CCSER1: variants seen among roughly 807,000 people sequenced by gnomAD.
CCSER1 encodes serine-rich coiled-coil domain-containing protein 1.
CCSER1 carries 41 observed loss-of-function variants against 82.0 expected under a neutral mutation model. That is an observed-to-expected ratio of 0.50 (90% CI 0.39 to 0.65). The LOEUF (loss-of-function observed/expected upper bound fraction) is 0.65. Ranked by LOEUF, CCSER1 falls within the 30% of genes least tolerant of loss-of-function variation. CCSER1 has a pLI of 0.00. For missense variants in CCSER1, 1,119 were observed against 1,064.2 expected, an observed-to-expected ratio of 1.05 and a Z score of -0.72; for synonymous variants, 414 against 383.9, an observed-to-expected ratio of 1.08 and a Z score of -0.92.
At chr4:90,626,734 A>G (rs1186333309) in intron 5 of CCSER1, among the ~76,000 whole-genome samples, 1 of 152,138 alleles carries the variant, frequency 6.6e-6, no homozygotes, top group African/African-American at 2.4e-5. Context: ...AAATCACCCC[A>G]CTGGGAAATG....
At chr4:91,041,333 T>A (rs542680091) in intron 9 of CCSER1, among the ~76,000 whole-genome samples, 4 of 152,218 alleles carry the variant, frequency 2.6e-5, no homozygotes, top group Non-Finnish European at 5.9e-5. Flanking sequence ...TTTTGGTCAG[T>A]GACAGTTCAA....
At chr4:90,992,588 G>A (rs371289641) in intron 9 of CCSER1, among the ~76,000 whole-genome samples, 3 of 151,894 alleles carry the variant, frequency 2.0e-5, no homozygotes, top group African/African-American at 7.3e-5. Context: ...GGTCTTATCC[G>A]AAGCTCAACT....
chr4:91,442,276 A>G (rs1052551033), intron 10 of CCSER1, among the ~76,000 whole-genome samples: 2 of 152,082 alleles, frequency 1.3e-5, no homozygotes, highest in African/African-American at 4.8e-5. Flanking sequence ...AAACAGAGAT[A>G]TAGATCAATG....
chr4:91,069,986 A>AT (rs70965471), intron 9 of CCSER1, among the ~76,000 whole-genome samples: 41,191 of 146,522 alleles, frequency 0.28, 5,947 homozygotes, highest in Middle Eastern at 0.35. Flanking sequence ...ACCTTTTTTA[A>AT]TTTTTTTTTT....
intron 1 of CCSER1, among the ~76,000 whole-genome samples, chr4:90,148,803 T>C (rs1485779959): frequency 6.6e-6 from 1 of 152,160 alleles, no homozygotes. Flanking sequence ...CTCTATCTTA[T>C]TCTGTGGAGC....
chr4:90,810,003 T>A (rs771043234), intron 7 of CCSER1, among the ~76,000 whole-genome samples: 6 of 152,340 alleles, frequency 3.9e-5, no homozygotes, highest in Admixed American at 1.3e-4. Flanking sequence ...ATCCTTTAGA[T>A]GTTTTTGGTT....
At chr4:90,850,212 T>C (rs186873457) in intron 8 of CCSER1, among the ~76,000 whole-genome samples, 1 of 152,294 alleles carries the variant, frequency 6.6e-6, no homozygotes, top group East Asian at 1.9e-4. Flanking sequence ...AGAGGATGTA[T>C]GGAAACACCT....
chr4:90,315,816 T>A (rs1300630177), intron 3 of CCSER1, among the ~76,000 whole-genome samples: 2 of 152,206 alleles, frequency 1.3e-5, no homozygotes, highest in Non-Finnish European at 2.9e-5. Context: ...TACTTCACAC[T>A]TAATTAATTA....
Position 90,309,594 on chromosome 4 carries a change from C to A in CCSER1, c.1310C>A (p.Ala437Glu). The change falls in exon 2 of 11, where the codon GCA becomes GAA. Residue 437 changes from alanine to glutamate, a missense_variant. Transcript: ENST00000509176. ...IFNKTSHGYE[A>E]NPAKVLASSL... ...AACAAAACATCACATGGATATGAAG[C>A]AAATCCTGCCAAAGGTATGCTGATT... is the stretch of plus-strand genomic sequence containing the variant. The A allele has an allele frequency of 6.3e-7, 1 of 1,578,886 alleles. No individual in the cohort carries two copies. The highest frequency in any genetic ancestry group is 8.6e-7 in the Non-Finnish European group (1 of 1,165,240).
chr4:90,605,186 T>C (rs1367717356), intron 5 of CCSER1, among the ~76,000 whole-genome samples: 2 of 152,042 alleles, frequency 1.3e-5, no homozygotes, highest in African/African-American at 4.8e-5. Context: ...GTTGGAACAT[T>C]AGAAGTAACA....
chr4:90,613,952 A>G (rs1720727703), intron 5 of CCSER1, among the ~76,000 whole-genome samples: 2 of 152,106 alleles, frequency 1.3e-5, no homozygotes, highest in South Asian at 2.1e-4. Flanking sequence ...GGCATATCTC[A>G]TTTTATTGCA....
chr4:90,135,314 C>T (rs1723470006), intron 1 of CCSER1, among the ~76,000 whole-genome samples: 1 of 152,034 alleles, frequency 6.6e-6, no homozygotes, highest in Non-Finnish European at 1.5e-5. Context: ...CTCACTATTC[C>T]TCCTAGCATT....
chr4:90,741,786 G>A (rs868015139), intron 7 of CCSER1, among the ~76,000 whole-genome samples: 2 of 152,216 alleles, frequency 1.3e-5, no homozygotes, highest in Middle Eastern at 3.4e-3. Flanking sequence ...TACTACTAAT[G>A]TGCTCATTTG....
At chr4:91,369,479 T>G (rs982872318) in intron 10 of CCSER1, among the ~76,000 whole-genome samples, 7 of 152,140 alleles carry the variant, frequency 4.6e-5, no homozygotes, top group Non-Finnish European at 1.5e-5. Flanking sequence ...AGAATTATAG[T>G]TCCAGATTTT....
chr4:91,380,980 G>T (rs1750845358), intron 10 of CCSER1, among the ~76,000 whole-genome samples: 2 of 152,078 alleles, frequency 1.3e-5, no homozygotes, highest in African/African-American at 4.8e-5. Context: ...TGTCTATAAA[G>T]GATTTTATTT....
intron 4 of CCSER1, among the ~76,000 whole-genome samples, chr4:90,459,676 G>A (rs1762631915): frequency 6.6e-6 from 1 of 151,994 alleles, no homozygotes; most frequent in Non-Finnish European, 1.5e-5. Context: ...AAGGGCACCA[G>A]TCGTACTGGA....
intron 7 of CCSER1, among the ~76,000 whole-genome samples, chr4:90,777,993 G>C (rs1304576813): frequency 6.6e-6 from 1 of 151,630 alleles, no homozygotes; most frequent in African/African-American, 2.4e-5. Context: ...TGTTGATCTT[G>C]TTTGTCATAG....
chr4:90,215,387 A>G lies in CCSER1; in HGVS notation c.-42+87556A>G, dbSNP rs575372957. On this transcript the variant is annotated intron_variant, in intron 1 of 10. Coordinates refer to ENST00000509176, the MANE Select transcript of CCSER1 (RefSeq NM_001145065.2). ...AAGTATATATTTCTTAAGCATATTG[A>G]CTACAAAAAGGATGTCCTTGACCTA... Among the ~76,000 whole-genome samples the G allele has an allele frequency of 1.6e-3, 250 of 152,336 alleles. 1 individual carries two copies. Among genetic ancestry groups the G allele is most frequent in the Non-Finnish European group, 3.2e-3 (217 of 68,024 alleles).
chr4:91,120,334 A>G (rs1276973871), intron 10 of CCSER1, among the ~76,000 whole-genome samples: 2 of 152,068 alleles, frequency 1.3e-5, no homozygotes, highest in African/African-American at 4.8e-5. Context: ...AGGTTCTGCT[A>G]TATAATTACG....
Sources: allele counts gnomAD v4.1 joint callset (sites outside exome capture counted in the v4.1 genomes callset), GRCh38; gene constraint gnomAD v4.1.1; transcripts MANE v1.5; gene names NCBI Gene and HGNC (gene_info 2026-07-23, HGNC 2026-07-21).